SEMG2: variants seen among roughly 807,000 people sequenced by gnomAD.
SEMG2 encodes semenogelin-2.
A neutral mutation model predicts 8.1 loss-of-function variants in SEMG2; 3 were observed. The ratio of observed to expected loss-of-function variants is 0.37; its 90% CI spans 0.17 to 0.96. The LOEUF (loss-of-function observed/expected upper bound fraction) is 0.96, where lower values mean the gene tolerates loss of function less well. SEMG2 is among the 40% of genes least tolerant of loss of function. The probability of loss-of-function intolerance (pLI) is 0.41; values close to 1 mark genes in which losing one functional copy is unlikely to be tolerated. For missense variants in SEMG2, 726 were observed against 671.2 expected (o/e 1.08, Z -0.90); for synonymous variants, 252 against 231.4 (o/e 1.09, Z -0.81).
Position 45,222,270 on chromosome 20 carries a change from C to A in SEMG2, c.638C>A (p.Ser213Tyr). ...VNKQQRETKN[S>Y]HQNKGHYQNV... ...AAACAACAACGTGAGACTAAAAATT[C>A]TCATCAAAATAAAGGGCATTACCAA... The change falls in exon 2 of 3, where the codon TCT becomes TAT. Residue 213 changes from serine (S) to tyrosine (Y), a missense_variant. Ser to Tyr is a moderately radical substitution (Grantham distance 144, BLOSUM62 -2). Transcript: ENST00000372769. 6.2e-7 allele frequency: 1 copy of A among 1,614,044 alleles called. No individual in the cohort carries two copies. Among genetic ancestry groups the A allele is most frequent in the Non-Finnish European group, 8.5e-7 (1 of 1,180,002 alleles).
Position 45,221,465 on chromosome 20 carries a change from G to T in SEMG2, c.76G>T (p.Gly26Cys). The change falls in exon 1 of 3, where the codon GGT (glycine) becomes TGT (cysteine). Residue 26 changes from glycine to cysteine, a missense_variant and splice_region_variant. Coordinates refer to ENST00000372769, the MANE Select transcript of SEMG2 (RefSeq NM_003008.3). ...EKQAAVMGQK[G>C]GSKGQLPSGS... The stretch of plus-strand genomic sequence containing the variant: ...GCAAGCAGCTGTGATGGGACAAAAA[G>T]GTGAGTGGAGAGGGTAAGCCTTGGG... 1 of 1,614,126 alleles carries T rather than the reference G, an allele frequency of 6.2e-7. No individual in the cohort carries two copies. The highest frequency in any genetic ancestry group is 1.1e-5 in the South Asian group (1 of 91,084).
Position 45,222,461 on chromosome 20 carries a change from C to A in SEMG2, c.829C>A (p.Gln277Lys), listed in dbSNP as rs2145591707. 6.2e-7 allele frequency: 1 copy of A among 1,614,054 alleles called. No individual in the cohort carries two copies. Among genetic ancestry groups the A allele is most frequent in the Non-Finnish European group, 8.5e-7 (1 of 1,179,986 alleles). ...CCAGACAAAAAATCTCAGTCAAGAT[C>A]AAGAGCATGGCCGGAAGGCACATAA... ...QHQTKNLSQDQEHGRKAHKIS... is the reference protein window; with the variant it reads ...QHQTKNLSQDKEHGRKAHKIS... The change falls in exon 2 of 3, where the codon CAA (glutamine) becomes AAA (lysine). Residue 277 changes from glutamine (Q) to lysine (K), a missense_variant. By Grantham distance (53) the Gln-to-Lys change is moderately conservative. Transcript: ENST00000372769.
Position 45,222,983 on chromosome 20 carries a change from A to G in SEMG2, c.1351A>G (p.Thr451Ala), listed in dbSNP as rs778089051. 1.2e-6 allele frequency: 2 copies of G among 1,614,174 alleles called. No homozygotes were observed. Among genetic ancestry groups the G allele is most frequent in the Non-Finnish European group, 1.7e-6 (2 of 1,180,020 alleles). The change falls in exon 2 of 3, where the codon ACA becomes GCA. Residue 451 changes from threonine to alanine, a missense_variant. Thr to Ala is a moderately conservative substitution (Grantham distance 58, BLOSUM62 0). Transcript: ENST00000372769. ...ACATGGCAAGTCTCAAAACCAGGTAACAATTCCTAGTCAAGATCAAGAGCA... is the reference window on the plus strand; with the variant it reads ...ACATGGCAAGTCTCAAAACCAGGTAGCAATTCCTAGTCAAGATCAAGAGCA... ...KIHGKSQNQV[T>A]IPSQDQEHGH...
intron 1 of SEMG2, 90 bp downstream of exon 1, chr20:45,221,555 A>C: frequency 1.4e-6 from 2 of 1,469,068 alleles, no homozygotes; most frequent in Non-Finnish European, 1.9e-6. Flanking sequence ...CTGTTCAGGC[A>C]CAGATTCTTC....
rs1414683946 is a variant in SEMG2 at position 45,223,322 on chromosome 20, G to T, written c.1690G>T (p.Ala564Ser). Reference protein sequence around the residue: ...HNIVITEHEVAQDDHLTQQYN... With the variant: ...HNIVITEHEVSQDDHLTQQYN... Reference sequence around the variant, plus strand: ...TATTGTAATTACTGAGCATGAGGTTGCCCAAGATGATCATTTGACACAACA... The same window carrying T: ...TATTGTAATTACTGAGCATGAGGTTTCCCAAGATGATCATTTGACACAACA... The change falls in exon 2 of 3, where the codon GCC (alanine) becomes TCC (serine). Residue 564 changes from alanine (A) to serine (S), a missense_variant. Ala to Ser is a moderately conservative substitution (Grantham distance 99). Coordinates refer to ENST00000372769, the MANE Select transcript of SEMG2 (RefSeq NM_003008.3). The T allele has an allele frequency of 6.2e-7, 1 of 1,613,932 alleles. No homozygotes were observed. Among genetic ancestry groups the T allele is most frequent in the Non-Finnish European group, 8.5e-7 (1 of 1,179,938 alleles).
Position 45,221,977 on chromosome 20 carries a change from C to T in SEMG2, c.345C>T (p.Asp115=). The change falls in exon 2 of 3, where the codon GAC becomes GAT. Residue 115 remains aspartate, a synonymous_variant. Coordinates refer to ENST00000372769, the MANE Select transcript of SEMG2 (RefSeq NM_003008.3). ...QLLNYKQEGR[D]HDKSKGHFHM... ...TCAATTATAAACAAGAAGGCAGAGA[C>T]CATGATAAATCAAAAGGTCATTTTC... is the stretch of plus-strand genomic sequence containing the variant. 2 of 1,613,940 alleles carry T rather than the reference C, an allele frequency of 1.2e-6. No individual in the cohort carries two copies. The highest frequency in any genetic ancestry group is 1.7e-6 in the Non-Finnish European group (2 of 1,179,952).
At position 45,223,049 on chromosome 20, in the gene SEMG2, A is replaced by G. The variant is rs1357507828; in HGVS notation, c.1417A>G (p.Thr473Ala). The G allele has an allele frequency of 6.2e-7, 1 of 1,614,224 alleles. No individual in the cohort carries two copies. Among genetic ancestry groups the G allele is most frequent in the East Asian group, 2.2e-5 (1 of 44,876 alleles). Residue 473 changes from threonine to alanine, a missense_variant, in exon 2 of 3, where the codon ACA (threonine) becomes GCA (alanine). Transcript: ENST00000372769. ...TAAAATGTCATACCAATCTTCAAGT[A>G]CAGAAGAAAGACGACTCAACTATGG... ...ENKMSYQSSS[T>A]EERRLNYGGK... is the part of the protein sequence containing the mutation.
rs202123772 is a variant in SEMG2, at chr20:45,221,423, C to T, written c.34C>T (p.Leu12Phe). The T allele has an allele frequency of 4.0e-5, 65 of 1,613,976 alleles. No homozygotes were observed. The highest frequency in any genetic ancestry group is 1.6e-4 in the Middle Eastern group (1 of 6,084). ...CATCATCCTCTTTGTCCTTTCCCTGCTCCTTATCTTGGAGAAGCAAGCAGC... is the reference window on the plus strand; with the variant it reads ...CATCATCCTCTTTGTCCTTTCCCTGTTCCTTATCTTGGAGAAGCAAGCAGC... ...KSIILFVLSL[L>F]LILEKQAAVM... The change falls in exon 1 of 3, where the codon CTC (leucine) becomes TTC (phenylalanine). Residue 12 changes from leucine to phenylalanine, a missense_variant. Physicochemically the swap from Leu to Phe is conservative, Grantham distance 22 (BLOSUM62 0). Transcript: ENST00000372769.
chr20:45,223,526 A>C, intron 2 of SEMG2, 101 bp downstream of exon 2: 1 of 572,162 alleles, frequency 1.7e-6, no homozygotes, highest in Non-Finnish European at 3.0e-6. Context: ...ACATCAATAG[A>C]AGTGCTATAT....
At position 45,222,770 on chromosome 20, in the gene SEMG2, G is replaced by A; in HGVS notation, c.1138G>A (p.Glu380Lys). The A allele has an allele frequency of 6.2e-7, 1 of 1,614,004 alleles. No homozygotes were observed. The highest frequency in any genetic ancestry group is 8.5e-7 in the Non-Finnish European group (1 of 1,179,990). ...SKGSISIQTE[E>K]QIHGKSQNQV... is the part of the protein sequence containing the mutation. ...AGGCAGTATTTCGATCCAAACTGAA[G>A]AGCAAATACATGGCAAGTCTCAAAA... Residue 380 changes from glutamate to lysine, a missense_variant, in exon 2 of 3, where the codon GAG becomes AAG. Glu to Lys is a moderately conservative substitution (Grantham distance 56). Coordinates refer to ENST00000372769, the MANE Select transcript of SEMG2 (RefSeq NM_003008.3).
rs202124576 is a variant in SEMG2, at chr20:45,221,927, C to T, written c.295C>T (p.His99Tyr). 1 of 1,613,260 alleles carries T rather than the reference C, an allele frequency of 6.2e-7. No individual in the cohort carries two copies. The highest frequency in any genetic ancestry group is 8.5e-7 in the Non-Finnish European group (1 of 1,179,808). Residue 99 changes from histidine to tyrosine, a missense_variant, in exon 2 of 3, where the codon CAC (histidine) becomes TAC (tyrosine). Coordinates refer to ENST00000372769, the MANE Select transcript of SEMG2 (RefSeq NM_003008.3). Reference protein sequence around the residue: ...ALHKATKSKQHLGGSQQLLNY... With the variant: ...ALHKATKSKQYLGGSQQLLNY... The stretch of plus-strand genomic sequence containing the variant: ...ACATAAGGCGACAAAATCAAAACAA[C>T]ACCTAGGTGGAAGTCAACAACTGCT...
chr20:45,223,499 A>T, intron 2 of SEMG2, 74 bp downstream of exon 2: 1 of 644,318 alleles, frequency 1.6e-6, no homozygotes, highest in Non-Finnish European at 2.7e-6. Flanking sequence ...ACATGGTAGG[A>T]CTGATAACCA....
chr20:45,222,971 C>G lies in SEMG2; in HGVS notation c.1339C>G (p.Gln447Glu), dbSNP rs748122142. 2 of 1,614,046 alleles carry G rather than the reference C, an allele frequency of 1.2e-6. No homozygotes were observed. The highest frequency in any genetic ancestry group is 4.5e-5 in the East Asian group (2 of 44,856). ...TGAAGAGAAAATACATGGCAAGTCT[C>G]AAAACCAGGTAACAATTCCTAGTCA... ...QTEEKIHGKSQNQVTIPSQDQ... is the reference protein window; with the variant it reads ...QTEEKIHGKSENQVTIPSQDQ... Residue 447 changes from glutamine to glutamate, a missense_variant, in exon 2 of 3, where the codon CAA (glutamine) becomes GAA (glutamate). Coordinates refer to ENST00000372769, the MANE Select transcript of SEMG2 (RefSeq NM_003008.3).
At position 45,222,307 on chromosome 20, in the gene SEMG2, C is replaced by T. The variant is rs374623110; in HGVS notation, c.675C>T (p.Asp225=). The T allele has an allele frequency of 2.4e-5, 38 of 1,613,900 alleles. No homozygotes were observed. The highest frequency in any genetic ancestry group is 2.0e-4 in the African/African-American group (15 of 74,892). ...AAGGGCATTACCAAAATGTGGTTGACGTGAGAGAGGAACATTCAAGTAAAC... is the reference window on the plus strand; with the variant it reads ...AAGGGCATTACCAAAATGTGGTTGATGTGAGAGAGGAACATTCAAGTAAAC... ...QNKGHYQNVV[D]VREEHSSKLQ... is the part of the protein sequence containing the mutation. Residue 225 remains aspartate (D), a synonymous_variant, in exon 2 of 3, where the codon GAC becomes GAT. Transcript: ENST00000372769.
chr20:45,223,378 A>G lies in SEMG2; in HGVS notation c.1746A>G (p.Thr582=), dbSNP rs771981456. The G allele has an allele frequency of 2.5e-6, 4 of 1,603,668 alleles. No individual in the cohort carries two copies. In the South Asian group the frequency reaches 4.5e-5, roughly 18 times the overall value. ...QYNEDRNPIS[T] ...ATGAAGACAGAAATCCAATATCTACATAGCCCTGTTGCTTAGCAACCACTT... is the reference window on the plus strand; with the variant it reads ...ATGAAGACAGAAATCCAATATCTACGTAGCCCTGTTGCTTAGCAACCACTT... The change falls in exon 2 of 3, where the codon ACA becomes ACG. Residue 582 remains threonine, a synonymous_variant. Coordinates refer to ENST00000372769, the MANE Select transcript of SEMG2 (RefSeq NM_003008.3).
chr20:45,221,871 G>A lies in SEMG2; in HGVS notation c.239G>A (p.Arg80Gln), dbSNP rs563034271. The part of the protein sequence containing the change: ...HVDINDHDWT[R>Q]KSQQYDLNAL... ...GACATCAATGATCATGACTGGACCC[G>A]AAAAAGTCAGCAATATGATTTGAAT... Residue 80 changes from arginine (R) to glutamine (Q), a missense_variant, in exon 2 of 3, where the codon CGA (arginine) becomes CAA (glutamine). Transcript: ENST00000372769. 42 of 1,613,686 alleles carry A rather than the reference G, an allele frequency of 2.6e-5. No homozygotes were observed. The highest frequency in any genetic ancestry group is 2.9e-5 in the Non-Finnish European group (34 of 1,179,950).
chr20:45,223,073 G>T lies in SEMG2; in HGVS notation c.1441G>T (p.Gly481Ter), dbSNP rs1408718239. The T allele has an allele frequency of 2.5e-6, 4 of 1,614,154 alleles. No homozygotes were observed. The highest frequency in any genetic ancestry group is 1.6e-4 in the Middle Eastern group (1 of 6,062). ...TACAGAAGAAAGACGACTCAACTAT[G>T]GAGGAAAGAGCACGCAGAAAGATGT... Reference protein sequence around the residue: ...SSTEERRLNYGGKSTQKDVSQ... With the variant: ...SSTEERRLNY Residue 481 changes from glycine to a stop codon, truncating the protein, a stop_gained, in exon 2 of 3, where the codon GGA becomes TGA. Transcript: ENST00000372769. LOFTEE classifies it low-confidence loss of function (END_TRUNC).
chr20:45,223,147 G>T lies in SEMG2; in HGVS notation c.1515G>T (p.Lys505Asn), dbSNP rs762938762. ...AAATTGAAAAGCTAGTAGAAGGCAA[G>T]TCTCAAATCCAGACACCAAATCCTA... ...SFQIEKLVEGKSQIQTPNPNQ... is the reference protein window; with the variant it reads ...SFQIEKLVEGNSQIQTPNPNQ... The change falls in exon 2 of 3, where the codon AAG (lysine) becomes AAT (asparagine). Residue 505 changes from lysine to asparagine, a missense_variant. Lys to Asn is a moderately conservative substitution (Grantham distance 94). Coordinates refer to ENST00000372769, the MANE Select transcript of SEMG2 (RefSeq NM_003008.3). 6.2e-7 allele frequency: 1 copy of T among 1,613,982 alleles called. No individual in the cohort carries two copies. Among genetic ancestry groups the T allele is most frequent in the Admixed American group, 1.7e-5 (1 of 60,010 alleles).
chr20:45,223,667 T>C (rs966999863), intron 2 of SEMG2, among the ~76,000 whole-genome samples: 25 of 152,252 alleles, frequency 1.6e-4, no homozygotes, highest in African/African-American at 6.0e-4. Flanking sequence ...ATAATATTTT[T>C]ATACATGCCT....
Sources: gnomAD v4.1 joint callset for allele counts (sites outside exome capture counted in the v4.1 genomes callset) on GRCh38, gnomAD v4.1.1 for gene constraint, MANE v1.5 for transcripts, NCBI Gene and HGNC (gene_info 2026-07-23, HGNC 2026-07-21) for gene names.